Variants in HDGF observed in about 807,000 individuals in gnomAD.
The protein encoded by HDGF is heparin binding growth factor, also known as hepatoma-derived growth factor.
Under a neutral mutation model 30.0 loss-of-function variants are expected in HDGF, and 5 were observed. That is an observed-to-expected ratio of 0.17 (90% CI 0.09 to 0.35). HDGF has a LOEUF of 0.35. Ranked by LOEUF, HDGF falls within the 10% of genes least tolerant of loss-of-function variation. HDGF has a pLI of 1.00. For synonymous variants in HDGF, 133 were observed against 112.7 expected (o/e 1.18, Z -1.14); for missense variants, 214 against 302.8 (o/e 0.71, Z 2.18).
intron 1 of HDGF, among the ~76,000 whole-genome samples, chr1:156,747,076 G>T (rs1030386434): frequency 6.6e-6 from 1 of 151,706 alleles, no homozygotes; most frequent in Non-Finnish European, 1.5e-5. Flanking sequence ...CCCCAGGAAG[G>T]CCCAGCACAA....
intron 1 of HDGF, among the ~76,000 whole-genome samples, chr1:156,746,115 C>G (rs1558033439): frequency 1.3e-5 from 2 of 152,214 alleles, no homozygotes; most frequent in African/African-American, 2.4e-5. Flanking sequence ...GAAAGCTTCC[C>G]TATCACTCCT....
Position 156,751,552 on chromosome 1 carries a change from C to A in HDGF, c.-123G>T. 1.0e-6 allele frequency: 1 copy of A among 997,502 alleles called. No homozygotes were observed. Among genetic ancestry groups the A allele is most frequent in the Non-Finnish European group, 1.2e-6 (1 of 837,206 alleles). 61.8% of individuals were successfully genotyped at this position (997,502 alleles called of 1,614,324 possible). On this transcript the variant is annotated 5_prime_UTR_variant, in exon 1 of 6. Coordinates refer to ENST00000357325, the MANE Select transcript of HDGF (RefSeq NM_004494.3). The surrounding 1 kb of genome is among the most constrained non-coding windows in gnomAD (Gnocchi z 4.7). Reference sequence around the variant, plus strand: ...CGCGCGGCCCCCGCCTCGATGGTGGCCCCCGGCCCGAGCTCCGGCGCGGCC... The same window carrying A: ...CGCGCGGCCCCCGCCTCGATGGTGGACCCCGGCCCGAGCTCCGGCGCGGCC...
At chr1:156,754,626 A>T (rs973420553), upstream of HDGF, among the ~76,000 whole-genome samples, 7 of 152,094 alleles carry the variant, frequency 4.6e-5, no homozygotes, top group Non-Finnish European at 8.8e-5. Flanking sequence ...CAATCAAATC[A>T]CCTGGGAATC....
chr1:156,743,597 G>C, intron 5 of HDGF, 55 bp downstream of exon 5: 1 of 1,554,626 alleles, frequency 6.4e-7, no homozygotes, highest in Non-Finnish European at 8.9e-7. Flanking sequence ...CCTCTTCTCC[G>C]AGAGTGGCCG....
chr1:156,765,247 C>T (rs927744539), intron 1 of HDGF, among the ~76,000 whole-genome samples: 2 of 151,352 alleles, frequency 1.3e-5, no homozygotes, highest in Non-Finnish European at 2.9e-5. Context: ...CGCCCGCCAC[C>T]GCACCCGGCT....
In HDGF at chr1:156,743,821, C is replaced by G; in HGVS notation, c.547G>C (p.Ala183Pro). Residue 183 changes from alanine (A) to proline (P), a missense_variant, in exon 5 of 6, where the codon GCC (alanine) becomes CCC (proline). Coordinates refer to ENST00000357325, the MANE Select transcript of HDGF (RefSeq NM_004494.3). ...ENPEGEEKEA[A>P]TLEVERPLPM... ...AGGGGCCTCTCAACCTCCAAGGTGG[C>G]TGCCTCCTTCTCCTCTCCTTCAGGG... 1 of 1,611,714 alleles carries G rather than the reference C, an allele frequency of 6.2e-7. No individual in the cohort carries two copies. Among genetic ancestry groups the G allele is most frequent in the Non-Finnish European group, 8.5e-7 (1 of 1,178,854 alleles).
intron 3 of HDGF, 129 bp downstream of exon 3, chr1:156,744,879 C>A: frequency 8.9e-7 from 1 of 1,123,176 alleles, no homozygotes; most frequent in Non-Finnish European, 1.3e-6. Flanking sequence ...CTTCCCACCA[C>A]CCTGATTAGC....
rs112847062 is a variant in HDGF, at chr1:156,766,256, T to C, written n.136+534A>G. 3.3e-3 allele frequency among the ~76,000 whole-genome samples: 506 copies of C among 152,270 alleles called. 2 individuals carry two copies. Among genetic ancestry groups the C allele is most frequent in the Non-Finnish European group, 4.7e-3 (319 of 68,034 alleles). ...TCACTGTCTCTCTGCATTGTGGTCA[T>C]CATTGTCCCTCCTCATCAACCTTTC... On this transcript the variant is annotated intron_variant and non_coding_transcript_variant, in intron 1 of 7. Coordinates refer to the HDGF transcript ENST00000465180.
upstream of HDGF, among the ~76,000 whole-genome samples, chr1:156,756,333 GTATT>G (rs1216354840): frequency 6.6e-6 from 1 of 152,140 alleles, no homozygotes; most frequent in African/African-American, 2.4e-5. Flanking sequence ...GGTTATCACT[GTATT>G]TATTGTTATA....
rs1277566152 is a variant in HDGF at position 156,745,088 on chromosome 1, T to G, written c.223A>C (p.Lys75Gln). ...PYEESKEKFG[K>Q]PNKRKGFSEG... ...CTGAACCCTTTCCTCTTGTTGGGCT[T>G]GCCAAACTTCTCCTTGGATTCCTCG... Residue 75 changes from lysine (K) to glutamine (Q), a missense_variant, in exon 3 of 6, where the codon AAG (lysine) becomes CAG (glutamine). Around this residue, in one of 2 missense-constraint regions of HDGF, gnomAD observed 176 missense variants for 211.7 expected, o/e 0.83. Transcript: ENST00000357325. 1 of 1,613,958 alleles carries G rather than the reference T, an allele frequency of 6.2e-7. No homozygotes were observed. Among genetic ancestry groups the G allele is most frequent in the South Asian group, 1.1e-5 (1 of 91,070 alleles).
chr1:156,746,725 G>A (rs1263735804), intron 1 of HDGF, among the ~76,000 whole-genome samples: 1 of 152,148 alleles, frequency 6.6e-6, no homozygotes, highest in Non-Finnish European at 1.5e-5. Context: ...AAGGTGGGGC[G>A]GGTGGGGACT....
chr1:156,743,611 C>A, intron 5 of HDGF, 41 bp downstream of exon 5: 1 of 1,560,124 alleles, frequency 6.4e-7, no homozygotes, highest in Non-Finnish European at 8.8e-7. Context: ...GTGGCCGGTC[C>A]CCCCTAGTCC....
rs979409695 is a variant in HDGF at position 156,743,178 on chromosome 1, A to G, written c.*271T>C. On this transcript the variant is annotated 3_prime_UTR_variant, in exon 6 of 6. Transcript: ENST00000357325. The stretch of plus-strand genomic sequence containing the variant: ...AAGCCTGGAAAATAGCTCCAAGCGG[A>G]AGGAACACAGTGGCCTCAACTCATT... 1 of 395,898 alleles carries G rather than the reference A, an allele frequency of 2.5e-6. No individual in the cohort carries two copies. The highest frequency in any genetic ancestry group is 2.1e-5 in the African/African-American group (1 of 48,182). The allele number at this position is 395,898 out of a possible 1,614,324, so 24.5% of individuals were successfully genotyped here.
chr1:156,749,226 C>T (rs925556055), intron 1 of HDGF, among the ~76,000 whole-genome samples: 2 of 152,190 alleles, frequency 1.3e-5, no homozygotes, highest in Non-Finnish European at 2.9e-5. Flanking sequence ...AAGGAAAATC[C>T]ACACACGGGC....
chr1:156,765,628 C>T (rs1651348918), intron 1 of HDGF, among the ~76,000 whole-genome samples: 1 of 151,508 alleles, frequency 6.6e-6, no homozygotes. Flanking sequence ...GCGCCCGCCA[C>T]CACACCATGC....
At chr1:156,754,841 G>C (rs1214390665), upstream of HDGF, among the ~76,000 whole-genome samples, 1 of 152,178 alleles carries the variant, frequency 6.6e-6, no homozygotes, top group Non-Finnish European at 1.5e-5. Flanking sequence ...CCAGCTACTT[G>C]GGAGGCTGAG....
intron 1 of HDGF, among the ~76,000 whole-genome samples, chr1:156,748,986 CA>C (rs547535018): frequency 1.2e-3 from 176 of 152,298 alleles, no homozygotes; most frequent in Admixed American, 2.2e-3. Context: ...AGAAAGGGAT[CA>C]GGGGGGAAAA....
intron 1 of HDGF, among the ~76,000 whole-genome samples, chr1:156,766,545 C>A (rs1412804629): frequency 2.6e-5 from 4 of 152,236 alleles, no homozygotes; most frequent in Middle Eastern, 3.4e-3. Context: ...TCATCACAAG[C>A]AGACATAAAT....
intron 1 of HDGF, among the ~76,000 whole-genome samples, chr1:156,760,408 A>G (rs1269661783): frequency 6.6e-6 from 1 of 152,180 alleles, no homozygotes. Flanking sequence ...CTCAGGGTAG[A>G]GGTAGCCTCC....
Sources: gnomAD v4.1 joint callset for allele counts (sites outside exome capture counted in the v4.1 genomes callset) on GRCh38, gnomAD v4.1.1 for gene constraint, gnomAD v4.1.1 regional missense constraint, Gnocchi (gnomAD v3.1) non-coding constraint, MANE v1.5 for transcripts, NCBI Gene and HGNC (gene_info 2026-07-23, HGNC 2026-07-21) for gene names.